The following BRINP2 variants were observed in gnomAD, a reference collection of about 807,000 sequenced individuals.
The protein encoded by BRINP2 is BMP/retinoic acid inducible neural specific 2, also known as BMP/retinoic acid-inducible neural-specific protein 2.
Under a neutral mutation model 69.2 loss-of-function variants are expected in BRINP2, and 21 were observed. The ratio of observed to expected loss-of-function variants is 0.30; its 90% CI spans 0.22 to 0.44. The LOEUF (loss-of-function observed/expected upper bound fraction) is 0.44. Ranked by LOEUF, BRINP2 falls within the 20% of genes least tolerant of loss-of-function variation. The pLI is 1.00. For missense variants in BRINP2, 877 were observed against 986.0 expected (o/e 0.89, Z 1.48); for synonymous variants, 380 against 394.1 (o/e 0.96, Z 0.42).
chr1:177,202,395 T>C (rs993640629), intron 1 of BRINP2, among the ~76,000 whole-genome samples: 3 of 152,252 alleles, frequency 2.0e-5, no homozygotes, highest in African/African-American at 7.2e-5. Flanking sequence ...GATTCTGGTA[T>C]GTTGTGTCTT....
chr1:177,254,023 A>G (rs2102344686), intron 2 of BRINP2, among the ~76,000 whole-genome samples: 1 of 152,214 alleles, frequency 6.6e-6, no homozygotes, highest in East Asian at 1.9e-4. Context: ...AATTTGGGGG[A>G]CAATGGAAAA....
At chr1:177,203,717 A>G (rs1648988710) in intron 1 of BRINP2, among the ~76,000 whole-genome samples, 2 of 152,172 alleles carry the variant, frequency 1.3e-5, no homozygotes, top group South Asian at 2.1e-4. Context: ...GTTATTTAAT[A>G]TAAAAGATGC....
At chr1:177,231,480 G>C (rs929680880) in intron 2 of BRINP2, among the ~76,000 whole-genome samples, 9 of 152,200 alleles carry the variant, frequency 5.9e-5, no homozygotes, top group African/African-American at 1.9e-4. Context: ...ATTCCCAAAT[G>C]GTAAAACAGT....
chr1:177,215,453 A>C (rs1479909983), intron 1 of BRINP2, among the ~76,000 whole-genome samples: 1 of 152,142 alleles, frequency 6.6e-6, no homozygotes, highest in Non-Finnish European at 1.5e-5. Flanking sequence ...TTTTATAGCC[A>C]TTGTAAATGA....
intron 4 of BRINP2, among the ~76,000 whole-genome samples, chr1:177,270,083 G>GGA (rs139411453): frequency 7.2e-5 from 2 of 27,798 alleles, no homozygotes; most frequent in South Asian, 2.1e-3. Context: ...GGCAAGGGGT[G>GGA]GGGGGGGTGG....
intron 2 of BRINP2, among the ~76,000 whole-genome samples, chr1:177,249,136 G>T (rs967387515): frequency 2.0e-5 from 3 of 152,184 alleles, no homozygotes; most frequent in Admixed American, 6.5e-5. Flanking sequence ...AATATTCTGA[G>T]TGTCGGTATG....
Position 177,266,758 on chromosome 1 carries a change from T to TAA in BRINP2, c.670-6709_670-6708dup, listed in dbSNP as rs1223096305. On this transcript the variant is annotated intron_variant, in intron 4 of 7. Coordinates refer to ENST00000361539, the MANE Select transcript of BRINP2 (RefSeq NM_021165.4). ...CTGGGGAACAGTGGGAGACTCACTC[T>TAA]AAAAAAAAAAAAAAAAAAAAAAGAA... 4.4e-4 allele frequency among the ~76,000 whole-genome samples: 26 copies of TAA among 59,260 alleles called. 1 individual carries two copies. Among genetic ancestry groups the TAA allele is most frequent in the South Asian group, 1.2e-3 (2 of 1,714 alleles). 38.9% of individuals were successfully genotyped at this position (59,260 alleles called of 152,430 possible). A position where few individuals can be genotyped will look rare whatever the true frequency, so the allele number is the denominator to read the frequency against.
At chr1:177,280,352 GA>G in intron 7 of BRINP2, 59 bp from the exon 8 acceptor site, 1 of 1,477,410 alleles carries the variant, frequency 6.8e-7, no homozygotes, top group African/African-American at 1.4e-5. Flanking sequence ...CTGCCCTTAA[GA>G]AGGGTGTCAG....
intron 1 of BRINP2, among the ~76,000 whole-genome samples, chr1:177,228,576 G>A (rs1649770747): frequency 6.6e-6 from 1 of 152,200 alleles, no homozygotes; most frequent in Non-Finnish European, 1.5e-5. Flanking sequence ...CAGGGAGCCT[G>A]TCTCTGGGCT....
At chr1:177,266,927 A>G (rs1220606821) in intron 4 of BRINP2, among the ~76,000 whole-genome samples, 2 of 152,118 alleles carry the variant, frequency 1.3e-5, no homozygotes, top group African/African-American at 4.8e-5. Flanking sequence ...TAACATGATG[A>G]CTTCCACGTG....
intron 1 of BRINP2, among the ~76,000 whole-genome samples, chr1:177,209,704 C>T (rs753946756): frequency 3.3e-5 from 5 of 152,008 alleles, no homozygotes; most frequent in Non-Finnish European, 5.9e-5. Context: ...GTGGCTGAAG[C>T]TCTCCGGTAA....
intron 1 of BRINP2, among the ~76,000 whole-genome samples, chr1:177,218,567 TG>T (rs1289119635): frequency 1.3e-5 from 2 of 152,198 alleles, no homozygotes; most frequent in Admixed American, 6.5e-5. Context: ...TCTAGTCATG[TG>T]GTTTTCTCCT....
At chr1:177,263,810 C>G (rs1651033287) in intron 4 of BRINP2, among the ~76,000 whole-genome samples, 1 of 152,056 alleles carries the variant, frequency 6.6e-6, no homozygotes, top group African/African-American at 2.4e-5. Context: ...TAAAAACTCA[C>G]TGATGTGATT....
intron 1 of BRINP2, among the ~76,000 whole-genome samples, chr1:177,206,990 G>A (rs891238402): frequency 2.6e-5 from 4 of 152,176 alleles, no homozygotes; most frequent in Non-Finnish European, 5.9e-5. Flanking sequence ...AACCACAGGA[G>A]AGGGAGATTT....
chr1:177,254,279 T>C (rs1419309561), intron 2 of BRINP2, among the ~76,000 whole-genome samples: 2 of 152,038 alleles, frequency 1.3e-5, no homozygotes, highest in Admixed American at 6.6e-5. Flanking sequence ...ATAAAACTGC[T>C]GGTACTTTAA....
At chr1:177,246,051 AT>A (rs993687284) in intron 2 of BRINP2, among the ~76,000 whole-genome samples, 3 of 152,196 alleles carry the variant, frequency 2.0e-5, no homozygotes, top group African/African-American at 7.2e-5. Flanking sequence ...GGCTTCTTGA[AT>A]TCTCCCAGAC....
intron 1 of BRINP2, among the ~76,000 whole-genome samples, chr1:177,184,598 C>G (rs1648372114): frequency 6.6e-6 from 1 of 151,894 alleles, no homozygotes; most frequent in Non-Finnish European, 1.5e-5. Context: ...ATGTCTACTT[C>G]CCTTTTTAAT....
At chr1:177,194,886 T>TA (rs1210086636) in intron 1 of BRINP2, among the ~76,000 whole-genome samples, 2 of 152,178 alleles carry the variant, frequency 1.3e-5, no homozygotes, top group Non-Finnish European at 2.9e-5. Flanking sequence ...GGTATTCTAC[T>TA]AGTTGGAACA....
chr1:177,263,376 A>T (rs537813729), intron 4 of BRINP2, among the ~76,000 whole-genome samples: 1 of 152,336 alleles, frequency 6.6e-6, no homozygotes, highest in African/African-American at 2.4e-5. Context: ...AGTGGGTGCT[A>T]AGAGTCCAGT....
Sources: allele counts gnomAD v4.1 joint callset (sites outside exome capture counted in the v4.1 genomes callset), GRCh38; gene constraint gnomAD v4.1.1; transcripts MANE v1.5; gene names NCBI Gene and HGNC (gene_info 2026-07-23, HGNC 2026-07-21).